AKAP9: variants seen among roughly 807,000 people sequenced by gnomAD.
AKAP9 encodes A-kinase anchoring protein 9.
In AKAP9, 311 loss-of-function variants were observed where a neutral mutation model predicts 488.5. The observed-to-expected ratio is 0.64, with a 90% CI of 0.58 to 0.70. AKAP9 has a LOEUF of 0.70. Ranked by LOEUF, AKAP9 falls within the 30% of genes least tolerant of loss-of-function variation. AKAP9 has a pLI of 0.00. For missense variants in AKAP9, 4,215 were observed against 4,374.5 expected, an observed-to-expected ratio of 0.96 and a Z score of 1.03; for synonymous variants, 1,462 against 1,483.5, an observed-to-expected ratio of 0.99 and a Z score of 0.33.
intron 1 of AKAP9, among the ~76,000 whole-genome samples, chr7:91,973,436 G>T (rs949589762): frequency 6.6e-6 from 1 of 152,078 alleles, no homozygotes. Flanking sequence ...GACAGTGCCT[G>T]ATTTCCCTTA....
At chr7:92,087,910 G>A (rs1292932494) in intron 37 of AKAP9, among the ~76,000 whole-genome samples, 2 of 150,928 alleles carry the variant, frequency 1.3e-5, no homozygotes, top group Non-Finnish European at 3.0e-5. Context: ...TAAATAAATA[G>A]TATTACCATG....
chr7:91,941,882 TTGTGTGTGTG>T (rs10700954), intron 1 of AKAP9, among the ~76,000 whole-genome samples: 2 of 147,726 alleles, frequency 1.4e-5, no homozygotes, highest in Non-Finnish European at 3.0e-5. Flanking sequence ...CGAATCCTGG[TTGTGTGTGTG>T]TGTGTGTGTG....
intron 8 of AKAP9, among the ~76,000 whole-genome samples, chr7:92,011,791 T>C (rs1276397230): frequency 6.6e-6 from 1 of 152,216 alleles, no homozygotes; most frequent in Non-Finnish European, 1.5e-5. Context: ...ATGCACTGTT[T>C]TAGTCCCTGG....
At chr7:92,059,268 T>C (rs1809325251) in intron 22 of AKAP9, among the ~76,000 whole-genome samples, 1 of 151,960 alleles carries the variant, frequency 6.6e-6, no homozygotes, top group Non-Finnish European at 1.5e-5. Context: ...CATATTGTTA[T>C]AGATATTAGG....
In AKAP9 at chr7:92,105,704, A is replaced by G; in HGVS notation, c.11357A>G (p.His3786Arg). The change falls in exon 47 of 50, where the codon CAT becomes CGT. Residue 3786 changes from histidine to arginine, a missense_variant. Physicochemically the swap from His to Arg is conservative, Grantham distance 29. This residue lies in a region of AKAP9 where 253 missense variants were observed against 266.8 expected (regional missense o/e 0.95). Transcript: ENST00000356239. ...ATGAAATTTTTGGTTCGACGGTGGC[A>G]TCGAGTCACAGGTTCTGTTTCCATC... ...SRMKFLVRRW[H>R]RVTGSVSINI... 1 of 1,614,240 alleles carries G rather than the reference A, an allele frequency of 6.2e-7. No individual in the cohort carries two copies. Among genetic ancestry groups the G allele is most frequent in the Non-Finnish European group, 8.5e-7 (1 of 1,180,036 alleles).
chr7:92,097,705 C>T lies in AKAP9; in HGVS notation c.10518C>T (p.Thr3506=), dbSNP rs377663331. The change falls in exon 42 of 50, where the codon ACC becomes ACT. Residue 3506 remains threonine (T), a synonymous_variant. Transcript: ENST00000356239. ...AKLIEMNGGG[T]GCNHELEMIR... is the part of the protein sequence containing the mutation. Reference sequence around the variant, plus strand: ...TGATTGAAATGAATGGAGGAGGAACCGGCTGTAATCATGAATTAGAAATGA... The same window carrying T: ...TGATTGAAATGAATGGAGGAGGAACTGGCTGTAATCATGAATTAGAAATGA... 4.3e-5 allele frequency: 69 copies of T among 1,613,938 alleles called. No homozygotes were observed. In the African/African-American group the frequency reaches 7.7e-4, roughly 18 times the overall value.
intron 8 of AKAP9, among the ~76,000 whole-genome samples, chr7:92,006,326 T>C (rs1466880602): frequency 6.6e-6 from 1 of 151,982 alleles, no homozygotes; most frequent in Non-Finnish European, 1.5e-5. Context: ...GGTTTTTGTA[T>C]TTTTTGTAGA....
chr7:91,955,806 G>C (rs1267909718), intron 1 of AKAP9, among the ~76,000 whole-genome samples: 2 of 152,054 alleles, frequency 1.3e-5, no homozygotes, highest in Non-Finnish European at 2.9e-5. Flanking sequence ...GCTAATTTTT[G>C]TATTTTTGGT....
chr7:91,956,348 C>T (rs1300975840), intron 1 of AKAP9, among the ~76,000 whole-genome samples: 30 of 146,364 alleles, frequency 2.0e-4, no homozygotes, highest in African/African-American at 1.0e-4. Context: ...TGCAATGGGC[C>T]GAGATTGCAC....
At chr7:92,091,603 A>C (rs565408585) in intron 38 of AKAP9, among the ~76,000 whole-genome samples, 7 of 151,172 alleles carry the variant, frequency 4.6e-5, no homozygotes, top group Non-Finnish European at 8.9e-5. Context: ...AAAAACAAAA[A>C]AAAAAAACAA....
chr7:92,030,602 A>G (rs1450711458), intron 15 of AKAP9, among the ~76,000 whole-genome samples: 1 of 148,468 alleles, frequency 6.7e-6, no homozygotes, highest in African/African-American at 2.5e-5. Context: ...CGATTGCACC[A>G]CTGCACTCCA....
At position 92,000,863 on chromosome 7, in the gene AKAP9, G is replaced by T; in HGVS notation, c.946G>T (p.Val316Leu). 1 of 1,406,066 alleles carries T rather than the reference G, an allele frequency of 7.1e-7. No homozygotes were observed. The allele number at this position is 1,406,066 out of a possible 1,614,324, so 87.1% of individuals were successfully genotyped here. ...KVYEMEQDKK[V>L]ENSNKEEIQE... ...TTTCCTAAAGGAACAAGATAAAAAA[G>T]TAGAAAACTCAAATAAAGAAGAAAT... The change falls in exon 8 of 50, where the codon GTA (valine) becomes TTA (leucine). Residue 316 changes from valine (V) to leucine (L), a missense_variant. This residue lies in a region of AKAP9 where 2,361 missense variants were observed against 2,430.0 expected (regional missense o/e 0.97). Transcript: ENST00000356239.
chr7:91,961,650 CTAGCTAACATGGTGA>C (rs1302686990), intron 1 of AKAP9, among the ~76,000 whole-genome samples: 3 of 151,828 alleles, frequency 2.0e-5, no homozygotes, highest in Non-Finnish European at 4.4e-5. Flanking sequence ...TGAGACCATC[CTAGCTAACATGGTGA>C]AACCCCATCT....
intron 15 of AKAP9, among the ~76,000 whole-genome samples, chr7:92,031,100 G>T (rs756389791): frequency 4.6e-5 from 7 of 152,138 alleles, no homozygotes; most frequent in Admixed American, 6.5e-5. Flanking sequence ...TTTGTAGAAA[G>T]TTAGATAGTA....
intron 3 of AKAP9, among the ~76,000 whole-genome samples, chr7:91,985,768 C>T (rs899403073): frequency 1.3e-5 from 2 of 152,146 alleles, no homozygotes; most frequent in Non-Finnish European, 2.9e-5. Flanking sequence ...CTACCTCAGC[C>T]TGCTGAGTAC....
intron 2 of AKAP9, among the ~76,000 whole-genome samples, chr7:91,979,208 A>G (rs1012440243): frequency 6.6e-6 from 1 of 152,134 alleles, no homozygotes; most frequent in African/African-American, 2.4e-5. Flanking sequence ...AGACTAGGTC[A>G]TTTATAAAGA....
intron 1 of AKAP9, among the ~76,000 whole-genome samples, chr7:91,970,755 T>C (rs766589282): frequency 6.6e-6 from 1 of 152,218 alleles, no homozygotes. Flanking sequence ...TTTGCTTCTT[T>C]TCTTTTGCCA....
In AKAP9 at chr7:92,079,108, G is replaced by C. The variant is rs1813091058; in HGVS notation, c.6975G>C (p.Arg2325Ser). The C allele has an allele frequency of 2.5e-6, 4 of 1,611,458 alleles. No individual in the cohort carries two copies. The highest frequency in any genetic ancestry group is 3.4e-6 in the Non-Finnish European group (4 of 1,179,000). ...KVIEEKNELI[R>S]DLETQIECLM... ...TTGAAGAAAAAAATGAACTGATAAG[G>C]GATCTTGAAACCCAAATAGAATGTT... The change falls in exon 31 of 50, where the codon AGG becomes AGC. Residue 2325 changes from arginine (R) to serine (S), a missense_variant. Transcript: ENST00000356239.
chr7:91,953,821 C>G (rs1479550433), intron 1 of AKAP9, among the ~76,000 whole-genome samples: 1 of 145,172 alleles, frequency 6.9e-6, no homozygotes, highest in Admixed American at 7.0e-5. Flanking sequence ...CGCCCCCCAC[C>G]ACACACAAAA....
Sources: allele counts gnomAD v4.1 joint callset (sites outside exome capture counted in the v4.1 genomes callset), GRCh38; gene constraint gnomAD v4.1.1; regional missense constraint gnomAD v4.1.1; transcripts MANE v1.5; gene names NCBI Gene and HGNC (gene_info 2026-07-23, HGNC 2026-07-21).